Variants in ACSL5 observed in about 807,000 individuals in gnomAD.
ACSL5 encodes the protein acyl-CoA synthetase long chain family member 5.
In ACSL5, 50 loss-of-function variants were observed where a neutral mutation model predicts 84.9. The ratio of observed to expected loss-of-function variants is 0.59; its 90% confidence interval spans 0.47 to 0.75. The LOEUF (loss-of-function observed/expected upper bound fraction) is 0.75. Ranked by LOEUF, ACSL5 falls within the 30% of genes least tolerant of loss-of-function variation. The pLI is 0.00. For missense variants in ACSL5, 775 were observed against 830.4 expected (o/e 0.93, Z 0.82); for synonymous variants, 280 against 300.7 (o/e 0.93, Z 0.71).
In ACSL5 at chr10:112,411,475, G is replaced by A; in HGVS notation, c.816G>A (p.Met272Ile). The A allele has an allele frequency of 6.2e-7, 1 of 1,613,850 alleles. No homozygotes were observed. Residue 272 changes from methionine (M) to isoleucine (I), a missense_variant, in exon 10 of 21, where the codon ATG becomes ATA. Met to Ile is a conservative substitution (Grantham distance 10, BLOSUM62 1). Transcript: ENST00000354655. ...SGTTGDPKGA[M>I]ITHQNIVSNA... is the part of the protein sequence containing the mutation. Reference sequence around the variant, plus strand: ...CTACAGGTGACCCCAAAGGAGCCATGATAACCCATCAAAATATTGTTTCAA... The same window carrying A: ...CTACAGGTGACCCCAAAGGAGCCATAATAACCCATCAAAATATTGTTTCAA...
In ACSL5 at chr10:112,427,552, C is replaced by T. The variant is rs371359325; in HGVS notation, c.*194C>T. The T allele has an allele frequency of 1.3e-5, 6 of 446,572 alleles. No homozygotes were observed. The highest frequency in any genetic ancestry group is 1.0e-4 in the African/African-American group (5 of 48,774). The allele number at this position is 446,572 out of a possible 1,614,324, so 27.7% of individuals were successfully genotyped here. A position where few individuals can be genotyped will look rare whatever the true frequency, so the allele number is the denominator to read the frequency against. ...TCCCAAATAAATCAATCCTGTCTTT[C>T]CCATCTTCGATGTTGCTAATATTAA... On this transcript the variant is annotated 3_prime_UTR_variant, in exon 21 of 21. Transcript: ENST00000354655.
Position 112,428,346 on chromosome 10 carries a change from GTA to G in ACSL5, c.*989_*990del. ...ACACATGTTGTTTCTACTTGTAAAT[GTA>G]AAGTCTTTAAAATAAACTATTACAG... is the stretch of plus-strand genomic sequence containing the variant. On this transcript the variant is annotated 3_prime_UTR_variant, in exon 21 of 21. Coordinates refer to ENST00000354655, the MANE Select transcript of ACSL5 (RefSeq NM_203379.2). 2.5e-6 allele frequency: 1 copy of G among 398,066 alleles called. No homozygotes were observed. Among genetic ancestry groups the G allele is most frequent in the South Asian group, 1.3e-4 (1 of 7,838 alleles). The allele number at this position is 398,066 out of a possible 1,614,324, so 24.7% of individuals were successfully genotyped here.
intron 14 of ACSL5, chr10:112,419,150 A>G (rs1844397787): frequency 6.6e-6 from 1 of 151,158 alleles, no homozygotes; most frequent in African/African-American, 2.4e-5. Flanking sequence ...ATATTATCAA[A>G]CTTTCTTCCA....
chr10:112,407,782 C>T (rs1194062237), intron 5 of ACSL5, among the ~76,000 whole-genome samples: 1 of 152,168 alleles, frequency 6.6e-6, no homozygotes, highest in Non-Finnish European at 1.5e-5. Flanking sequence ...CAGTTTTCAT[C>T]AGTTTCCCAC....
intron 17 of ACSL5, among the ~76,000 whole-genome samples, chr10:112,422,909 C>T (rs1279636825): frequency 6.8e-6 from 1 of 148,008 alleles, no homozygotes; most frequent in Non-Finnish European, 1.5e-5. Flanking sequence ...TAAAAAAAGG[C>T]TGGGCATGGT....
At position 112,410,608 on chromosome 10, in the gene ACSL5, G is replaced by C. The variant is rs186230656; in HGVS notation, c.769G>C (p.Val257Leu). The C allele has an allele frequency of 6.2e-7, 1 of 1,613,922 alleles. No homozygotes were observed. The highest frequency in any genetic ancestry group is 1.3e-5 in the African/African-American group (1 of 75,008). The change falls in exon 9 of 21, where the codon GTC (valine) becomes CTC (leucine). Residue 257 changes from valine to leucine, a missense_variant. Val to Leu is a conservative substitution (Grantham distance 32). Coordinates refer to ENST00000354655, the MANE Select transcript of ACSL5 (RefSeq NM_203379.2). ...PVPPSPEDLS[V>L]ICFTSGTTGD... ...GCCTCCTAGCCCAGAAGACCTGAGC[G>C]TCATCTGCTTCACCAGTGGGACCAC...
chr10:112,400,726 T>A (rs72821861), intron 3 of ACSL5, among the ~76,000 whole-genome samples: 70,728 of 151,730 alleles, frequency 0.47, 17,105 homozygotes, highest in South Asian at 0.58. Context: ...TTAATTTTTT[T>A]AATTTTTTGT....
rs1564743890 is a variant in ACSL5 at position 112,421,964 on chromosome 10, C to G, written c.1405C>G (p.Leu469Val). The stretch of plus-strand genomic sequence containing the variant: ...TGTTCTAGGTCACGTTGGGGTGCCC[C>G]TGGCTTGCAATTACGTGAAGCTGGA... ...DWTSGHVGVP[L>V]ACNYVKLEDV... Residue 469 changes from leucine (L) to valine (V), a missense_variant, in exon 16 of 21, where the codon CTG becomes GTG. Transcript: ENST00000354655. The G allele has an allele frequency of 6.2e-7, 1 of 1,614,190 alleles. No homozygotes were observed. Among genetic ancestry groups the G allele is most frequent in the Non-Finnish European group, 8.5e-7 (1 of 1,180,044 alleles).
chr10:112,384,635 G>A (rs778849146), intron 1 of ACSL5, among the ~76,000 whole-genome samples: 1 of 152,128 alleles, frequency 6.6e-6, no homozygotes, highest in African/African-American at 2.4e-5. Context: ...AGGCTCCCAG[G>A]TAGTGGGGAC....
At chr10:112,422,071 G>T (rs767009647) in intron 16 of ACSL5, 36 bp downstream of exon 16, 8 of 1,603,152 alleles carry the variant, frequency 5.0e-6, no homozygotes, top group Non-Finnish European at 6.8e-6. Context: ...GACAGTCATG[G>T]TGGGGAGGTT....
intron 17 of ACSL5, 150 bp downstream of exon 17, chr10:112,422,591 C>T (rs1007710595): frequency 2.9e-6 from 2 of 688,442 alleles, no homozygotes; most frequent in Non-Finnish European, 5.0e-6. Flanking sequence ...CTTATGACTT[C>T]CTCATACTAT....
intron 17 of ACSL5, 54 bp from the exon 18 acceptor site, chr10:112,425,284 C>A (rs899659917): frequency 1.4e-5 from 21 of 1,504,486 alleles, no homozygotes; most frequent in Non-Finnish European, 1.7e-5. Context: ...ACTCTCCCCA[C>A]TGATATCATC....
At chr10:112,400,968 A>AT (rs531630317) in intron 3 of ACSL5, among the ~76,000 whole-genome samples, 221 of 151,912 alleles carry the variant, frequency 1.5e-3, no homozygotes, top group East Asian at 5.8e-3. Flanking sequence ...ATAATTTAGG[A>AT]TTTTTTTTTA....
intron 2 of ACSL5, chr10:112,396,241 ATCTT>A (rs1307586259): frequency 1.3e-5 from 2 of 152,082 alleles, no homozygotes; most frequent in African/African-American, 4.8e-5. Context: ...TTTCAAAACA[ATCTT>A]TCTTTGTTCT....
chr10:112,376,750 G>A (rs1849248393), intron 1 of ACSL5, among the ~76,000 whole-genome samples: 1 of 152,120 alleles, frequency 6.6e-6, no homozygotes, highest in Non-Finnish European at 1.5e-5. Context: ...TGAGCATCCA[G>A]CATAGCTCCC....
chr10:112,376,860 T>C (rs772403697), intron 1 of ACSL5, among the ~76,000 whole-genome samples: 2 of 151,946 alleles, frequency 1.3e-5, no homozygotes, highest in Admixed American at 1.3e-4. Context: ...CTGAGTGTAT[T>C]TTAGGAAGTA....
chr10:112,390,414 A>T (rs1272737841), intron 1 of ACSL5, among the ~76,000 whole-genome samples: 1 of 152,198 alleles, frequency 6.6e-6, no homozygotes, highest in Non-Finnish European at 1.5e-5. Flanking sequence ...AGAAATTGGA[A>T]CCCTCTTACA....
chr10:112,426,909 T>G, intron 20 of ACSL5, 50 bp downstream of exon 20: 1 of 1,454,998 alleles, frequency 6.9e-7, no homozygotes, highest in Non-Finnish European at 9.6e-7. Context: ...AAAGTTTTGT[T>G]TAAAGTTTCC....
chr10:112,389,089 G>T (rs1364138280), intron 1 of ACSL5, among the ~76,000 whole-genome samples: 4 of 152,044 alleles, frequency 2.6e-5, no homozygotes, highest in Non-Finnish European at 5.9e-5. Context: ...AGTAGAAGGA[G>T]CCATTTAGGA....
Sources: gnomAD v4.1 joint callset for allele counts (sites outside exome capture counted in the v4.1 genomes callset) on GRCh38, gnomAD v4.1.1 for gene constraint, MANE v1.5 for transcripts, NCBI Gene and HGNC (gene_info 2026-07-23, HGNC 2026-07-21) for gene names.